TEKT1: variants seen among roughly 807,000 people sequenced by gnomAD.
TEKT1 encodes the protein tektin 1, also known as tektin-1.
A neutral mutation model predicts 34.8 loss-of-function variants in TEKT1; 32 were observed. The observed-to-expected ratio is 0.92, with a 90% CI of 0.69 to 1.23. The LOEUF is 1.23. Ranked by LOEUF, TEKT1 falls within the 50% of genes most tolerant of loss-of-function variation. The probability of loss-of-function intolerance (pLI) is 0.00; values close to 1 mark genes in which losing one functional copy is unlikely to be tolerated. For synonymous variants in TEKT1, 207 were observed against 199.8 expected, an observed-to-expected ratio of 1.04 and a Z score of -0.30; for missense variants, 492 against 518.5, an observed-to-expected ratio of 0.95 and a Z score of 0.50.
Position 6,815,883 on chromosome 17 carries a change from T to C in TEKT1, c.436A>G (p.Ile146Val), listed in dbSNP as rs34431552. The stretch of plus-strand genomic sequence containing the variant: ...AAGGTACGGGTCAGCAGAGCCATAA[T>C]GCCCTGGATGATCTCAGCCTCCTTT... ...LIKEAEIIQG[I>V]MALLTRTLEE... is the part of the protein sequence containing the mutation. Residue 146 changes from isoleucine to valine, a missense_variant, in exon 4 of 8, where the codon ATT becomes GTT. By Grantham distance (29) the Ile-to-Val change is conservative. Transcript: ENST00000338694. 9.8e-3 allele frequency: 15,807 copies of C among 1,614,160 alleles called. 1,023 individuals carry two copies. In the African/African-American group the frequency reaches 0.16, roughly 16 times the overall value.
chr17:6,802,950 T>C (rs1976795790), intron 6 of TEKT1, among the ~76,000 whole-genome samples: 1 of 152,156 alleles, frequency 6.6e-6, no homozygotes. Context: ...GCAGCATTAT[T>C]TATAATCCTT....
chr17:6,817,038 T>C (rs1442275233), intron 3 of TEKT1, among the ~76,000 whole-genome samples: 1 of 152,214 alleles, frequency 6.6e-6, no homozygotes, highest in Non-Finnish European at 1.5e-5. Context: ...ACTTGTTTCC[T>C]TCCTTGATCC....
chr17:6,800,872 C>G lies in TEKT1; in HGVS notation c.924G>C (p.Gly308=). ...AGCGCGTATGAGCCACCTTGGCTGG[C>G]CCTTCTTGGTCAAGGATGGCCTTTT... ...ALEKAILDQE[G]PAKVAHTRLE... is the part of the protein sequence containing the mutation. Residue 308 remains glycine (G), a synonymous_variant, in exon 7 of 8, where the codon GGG becomes GGC. Coordinates refer to ENST00000338694, the MANE Select transcript of TEKT1 (RefSeq NM_053285.2). 1 of 1,614,160 alleles carries G rather than the reference C, an allele frequency of 6.2e-7. No individual in the cohort carries two copies. Among genetic ancestry groups the G allele is most frequent in the Non-Finnish European group, 8.5e-7 (1 of 1,180,038 alleles).
rs143038059 is a variant in TEKT1 at position 6,814,250 on chromosome 17, A to C, written c.629+913T>G. On this transcript the variant is annotated intron_variant, in intron 5 of 7. Coordinates refer to ENST00000338694, the MANE Select transcript of TEKT1 (RefSeq NM_053285.2). ...ACATGTTTATTGTCTTAAGCTGCAA[A>C]GTTTTGGGATAATTTAGTATACAGC... Among the ~76,000 whole-genome samples, 91 of 152,308 alleles carry C rather than the reference A, an allele frequency of 6.0e-4. 1 individual carries two copies. Among genetic ancestry groups the C allele is most frequent in the Non-Finnish European group, 1.0e-3 (70 of 68,026 alleles).
chr17:6,829,069 C>T (rs1208916494), intron 2 of TEKT1, among the ~76,000 whole-genome samples: 3 of 152,010 alleles, frequency 2.0e-5, no homozygotes, highest in Non-Finnish European at 4.4e-5. Flanking sequence ...GAGAAGCGCT[C>T]GAACCTGGAA....
intron 2 of TEKT1, among the ~76,000 whole-genome samples, chr17:6,820,943 T>C (rs988269175): frequency 6.6e-6 from 1 of 152,244 alleles, no homozygotes; most frequent in African/African-American, 2.4e-5. Context: ...TCTATTTGGC[T>C]GTGCCCTGAG....
rs1976740219 is a variant in TEKT1 at position 6,799,746 on chromosome 17, T to A, written c.*281A>T. The A allele has an allele frequency of 1.3e-5, 4 of 304,038 alleles. No homozygotes were observed. Among genetic ancestry groups the A allele is most frequent in the Non-Finnish European group, 2.4e-5 (4 of 165,684 alleles). The allele number at this position is 304,038 out of a possible 1,614,324, so 18.8% of individuals were successfully genotyped here. A position where few individuals can be genotyped will look rare whatever the true frequency, so the allele number is the denominator to read the frequency against. ...AGCCCAACTACTTTATTGAATTGAA[T>A]CTGAACTGAAATGTCTTGAAACCCT... On this transcript the variant is annotated 3_prime_UTR_variant, in exon 8 of 8. Coordinates refer to ENST00000338694, the MANE Select transcript of TEKT1 (RefSeq NM_053285.2).
At chr17:6,827,100 G>A (rs1190506316) in intron 2 of TEKT1, among the ~76,000 whole-genome samples, 1 of 152,108 alleles carries the variant, frequency 6.6e-6, no homozygotes, top group South Asian at 2.1e-4. Context: ...ATGAATGAAT[G>A]TATGTGGGTT....
Position 6,799,794 on chromosome 17 carries a change from G to A in TEKT1, c.*233C>T, listed in dbSNP as rs1976740686. On this transcript the variant is annotated 3_prime_UTR_variant, in exon 8 of 8. Transcript: ENST00000338694. ...CCTGTCCTGGGGCCCCAAGTCCTGT[G>A]ATATTGTAAGAGTGGCCTGTGCTAA... is the stretch of plus-strand genomic sequence containing the variant. The A allele has an allele frequency of 1.4e-5, 6 of 429,550 alleles. No homozygotes were observed. In the South Asian group the frequency reaches 2.9e-4, roughly 20 times the overall value. The allele number at this position is 429,550 out of a possible 1,614,324, so 26.6% of individuals were successfully genotyped here.
chr17:6,829,551 T>A (rs1238934311), intron 2 of TEKT1, among the ~76,000 whole-genome samples: 2 of 149,874 alleles, frequency 1.3e-5, no homozygotes, highest in Admixed American at 1.3e-4. Context: ...TCTTGGTATA[T>A]CACCCAGGGT....
At chr17:6,810,385 T>G (rs569402492) in intron 6 of TEKT1, among the ~76,000 whole-genome samples, 1 of 152,242 alleles carries the variant, frequency 6.6e-6, no homozygotes, top group Non-Finnish European at 1.5e-5. Context: ...TTATCAGATA[T>G]GTATTTTGCA....
chr17:6,829,737 T>C (rs1391841724), intron 2 of TEKT1, among the ~76,000 whole-genome samples: 3 of 152,134 alleles, frequency 2.0e-5, no homozygotes, highest in Non-Finnish European at 4.4e-5. Flanking sequence ...TTGTTTTTAT[T>C]TGTATTCTTT....
At chr17:6,821,513 TC>T (rs1977090313) in intron 2 of TEKT1, among the ~76,000 whole-genome samples, 1 of 152,212 alleles carries the variant, frequency 6.6e-6, no homozygotes, top group Non-Finnish European at 1.5e-5. Context: ...TTATCCAGTC[TC>T]AGGTATTTCT....
chr17:6,815,294 A>G lies in TEKT1; in HGVS notation c.498T>C (p.Ser166=). 1 of 1,614,230 alleles carries G rather than the reference A, an allele frequency of 6.2e-7. No individual in the cohort carries two copies. The highest frequency in any genetic ancestry group is 8.5e-7 in the Non-Finnish European group (1 of 1,180,036). ...EASEQIRMNR[S]AKYNLEKDLK... ...AATCCTTCTCAAGATTGTACTTGGCAGAGCGGTTCATCCTGAAGGGAGAAA... is the reference window on the plus strand; with the variant it reads ...AATCCTTCTCAAGATTGTACTTGGCGGAGCGGTTCATCCTGAAGGGAGAAA... The change falls in exon 5 of 8, where the codon TCT becomes TCC. Residue 166 remains serine, a synonymous_variant. Transcript: ENST00000338694.
In TEKT1 at chr17:6,812,843, A is replaced by G; in HGVS notation, c.840T>C (p.Asp280=). 9 of 1,613,718 alleles carry G rather than the reference A, an allele frequency of 5.6e-6. No homozygotes were observed. The highest frequency in any genetic ancestry group is 6.8e-6 in the Non-Finnish European group (8 of 1,179,866). ...CAAGGGACCTCACCTTGGCCAGATG[A>G]TCAGCCAGCTTGTCCCTGGCATCCT... ...DTKDARDKLA[D]HLAKVMEEIA... is the part of the protein sequence containing the mutation. Residue 280 remains aspartate (D), a synonymous_variant, in exon 6 of 8, where the codon GAT becomes GAC. Coordinates refer to ENST00000338694, the MANE Select transcript of TEKT1 (RefSeq NM_053285.2).
chr17:6,825,953 T>C (rs1216700590), intron 2 of TEKT1, among the ~76,000 whole-genome samples: 6 of 152,074 alleles, frequency 3.9e-5, no homozygotes, highest in Admixed American at 3.9e-4. Flanking sequence ...TCCCGTATGA[T>C]AAAACTCTAA....
chr17:6,821,985 A>G (rs35041914), intron 2 of TEKT1, among the ~76,000 whole-genome samples: 8,543 of 152,272 alleles, frequency 0.056, 295 homozygotes, highest in South Asian at 0.083. Flanking sequence ...AGAAATTTGC[A>G]TAAGTAACAA....
At chr17:6,814,478 T>C (rs1976975136) in intron 5 of TEKT1, among the ~76,000 whole-genome samples, 1 of 152,198 alleles carries the variant, frequency 6.6e-6, no homozygotes, top group South Asian at 2.1e-4. Flanking sequence ...CGTATGTGTG[T>C]GAGTGCACAT....
rs376522151 is a variant in TEKT1 at position 6,811,224 on chromosome 17, TATCATCATC to T, written c.852+1598_852+1606del. Among the ~76,000 whole-genome samples the T allele has an allele frequency of 2.0e-5, 3 of 151,992 alleles. No individual in the cohort carries two copies. The highest frequency in any genetic ancestry group is 1.9e-4 in the East Asian group (1 of 5,170). On this transcript the variant is annotated intron_variant, in intron 6 of 7. Transcript: ENST00000338694. This position sits in a 1 kb window ranked among gnomAD's most constrained non-coding sequence, Gnocchi z 4.4. ...GGAAGTCTCTGGATTATTCCTTGGCTATCATCATCATCATCATCATCATCAATCAACTAT... is the reference window on the plus strand; with the variant it reads ...GGAAGTCTCTGGATTATTCCTTGGCTATCATCATCATCATCAATCAACTAT...
Sources: gnomAD v4.1 joint callset for allele counts (sites outside exome capture counted in the v4.1 genomes callset) on GRCh38, gnomAD v4.1.1 for gene constraint, Gnocchi (gnomAD v3.1) non-coding constraint, MANE v1.5 for transcripts, NCBI Gene and HGNC (gene_info 2026-07-23, HGNC 2026-07-21) for gene names.